Variants in ABCA13 observed in about 807,000 individuals in gnomAD.
ABCA13 encodes the protein ATP binding cassette subfamily A member 13.
ABCA13 carries 476 observed loss-of-function variants against 478.7 expected under a neutral mutation model. That is an observed-to-expected ratio of 0.99 (90% CI 0.92 to 1.07). ABCA13 has a LOEUF of 1.07. Among genes scored for constraint, ABCA13 ranks in the 50% least tolerant of loss-of-function variants. ABCA13 has a pLI of 0.00. For missense variants in ABCA13, 6,060 were observed against 5,910.6 expected, an observed-to-expected ratio of 1.03 and a Z score of -0.83; for synonymous variants, 2,252 against 2,158.9, an observed-to-expected ratio of 1.04 and a Z score of -1.20.
Position 48,310,269 on chromosome 7 carries a change from A to C in ABCA13, c.9516+128A>C, listed in dbSNP as rs546295814. On this transcript the variant is annotated intron_variant, in intron 24 of 61. Transcript: ENST00000435803. ...ACCTGGCCACTCTGCAGTGGTCTCC[A>C]CCAGCCTCTGGTGTCACCTGTTTGC... 8.0e-4 allele frequency: 807 copies of C among 1,007,648 alleles called. 8 individuals carry two copies. Among genetic ancestry groups the C allele is most frequent in the Admixed American group, 1.2e-3 (50 of 41,228 alleles). The allele number at this position is 1,007,648 out of a possible 1,614,324, so 62.4% of individuals were successfully genotyped here. A position where few individuals can be genotyped will look rare whatever the true frequency, so the allele number is the denominator to read the frequency against.
At chr7:48,489,118 T>C in intron 47 of ABCA13, 118 bp from the exon 48 acceptor site, 1 of 748,956 alleles carries the variant, frequency 1.3e-6, no homozygotes, top group Non-Finnish European at 2.2e-6. Context: ...CTTTGAATCC[T>C]GCACTCAGGT....
intron 31 of ABCA13, among the ~76,000 whole-genome samples, chr7:48,358,166 A>AAGGACAGGACAGGACAGGACAGGAC (rs377040023): frequency 4.9e-4 from 66 of 135,694 alleles, no homozygotes; most frequent in African/African-American, 1.3e-3. Context: ...AAAAAAAAGA[A>AAGGACAGGACAGGACAGGACAGGAC]AGGACAGGAC....
intron 20 of ABCA13, among the ~76,000 whole-genome samples, chr7:48,293,205 C>CAA (rs1197640060): frequency 7.4e-6 from 1 of 134,782 alleles, no homozygotes; most frequent in Non-Finnish European, 1.7e-5. Context: ...CCCCCCCCGC[C>CAA]ACACACACAC....
intron 60 of ABCA13, among the ~76,000 whole-genome samples, chr7:48,643,806 C>G (rs145051946): frequency 2.0e-5 from 3 of 152,304 alleles, no homozygotes; most frequent in African/African-American, 7.2e-5. Flanking sequence ...TCACAATCCT[C>G]TATAAACTTG....
intron 15 of ABCA13, among the ~76,000 whole-genome samples, chr7:48,255,220 C>T (rs1793197959): frequency 6.6e-6 from 1 of 152,134 alleles, no homozygotes; most frequent in Admixed American, 6.6e-5. Flanking sequence ...GAGAAGCTTT[C>T]TCAGCATGAG....
At chr7:48,282,001 T>C (rs113168979) in intron 19 of ABCA13, among the ~76,000 whole-genome samples, 2,182 of 152,312 alleles carry the variant, frequency 0.014, 20 homozygotes, top group Middle Eastern at 0.054. Flanking sequence ...TTGCTGGTAT[T>C]ATAGTTTTTG....
intron 57 of ABCA13, among the ~76,000 whole-genome samples, chr7:48,587,942 T>C (rs986811497): frequency 1.3e-5 from 2 of 152,226 alleles, no homozygotes; most frequent in Non-Finnish European, 2.9e-5. Context: ...AAATAAAGGC[T>C]ATTGTTACAT....
intron 42 of ABCA13, among the ~76,000 whole-genome samples, chr7:48,430,619 A>C (rs6942708): frequency 0.28 from 41,191 of 148,428 alleles, 5,788 homozygotes; most frequent in East Asian, 0.38. Flanking sequence ...GGTTGCAGTG[A>C]GCTGAGATTG....
chr7:48,435,054 C>T (rs1277057241), intron 42 of ABCA13, among the ~76,000 whole-genome samples: 2 of 151,740 alleles, frequency 1.3e-5, no homozygotes, highest in Non-Finnish European at 3.0e-5. Context: ...TCATTAGAAA[C>T]TTTAGAAGAA....
intron 58 of ABCA13, among the ~76,000 whole-genome samples, chr7:48,597,533 A>G (rs1165858293): frequency 6.6e-6 from 1 of 152,208 alleles, no homozygotes; most frequent in Non-Finnish European, 1.5e-5. Context: ...AAGAAACTGC[A>G]GAGTTATTTC....
At chr7:48,204,948 C>A (rs1185657456) in intron 3 of ABCA13, among the ~76,000 whole-genome samples, 1 of 152,184 alleles carries the variant, frequency 6.6e-6, no homozygotes, top group Non-Finnish European at 1.5e-5. Flanking sequence ...CCTGACCCAG[C>A]CACTTGCCTA....
intron 38 of ABCA13, among the ~76,000 whole-genome samples, chr7:48,399,157 G>A (rs908878065): frequency 2.0e-5 from 3 of 152,124 alleles, no homozygotes; most frequent in East Asian, 1.9e-4. Context: ...TGCAAAAAAA[G>A]CAAAGAAATA....
At chr7:48,640,393 T>C (rs924305374) in intron 59 of ABCA13, among the ~76,000 whole-genome samples, 1 of 152,220 alleles carries the variant, frequency 6.6e-6, no homozygotes, top group East Asian at 1.9e-4. Context: ...GTGTATGTTT[T>C]TTCTTCCTCT....
intron 57 of ABCA13, 85 bp from the exon 58 acceptor site, chr7:48,594,625 C>T: frequency 7.8e-7 from 1 of 1,289,180 alleles, no homozygotes; most frequent in Non-Finnish European, 1.1e-6. Context: ...TTTTCTTTCA[C>T]CTGGGGTCTG....
chr7:48,539,232 T>C (rs908770450), intron 55 of ABCA13, among the ~76,000 whole-genome samples: 2 of 151,644 alleles, frequency 1.3e-5, no homozygotes, highest in Admixed American at 6.6e-5. Context: ...ATACAAAAAT[T>C]AGCCAATCTC....
At chr7:48,564,924 CACTA>C (rs1266786329) in intron 55 of ABCA13, among the ~76,000 whole-genome samples, 1 of 152,070 alleles carries the variant, frequency 6.6e-6, no homozygotes, top group African/African-American at 2.4e-5. Flanking sequence ...TGATCTCTAA[CACTA>C]ACTTTGTGGA....
chr7:48,172,874 T>C (rs1213920130), intron 1 of ABCA13, among the ~76,000 whole-genome samples: 2 of 150,236 alleles, frequency 1.3e-5, no homozygotes, highest in African/African-American at 2.5e-5. Flanking sequence ...ACAGTCTTCA[T>C]TGATTGTTAG....
chr7:48,427,259 C>T (rs988969980), intron 41 of ABCA13, among the ~76,000 whole-genome samples: 1 of 152,192 alleles, frequency 6.6e-6, no homozygotes, highest in Non-Finnish European at 1.5e-5. Context: ...CAAGAAATGA[C>T]TTCAAGCAAG....
intron 35 of ABCA13, among the ~76,000 whole-genome samples, chr7:48,385,650 A>T (rs1013949964): frequency 6.6e-6 from 1 of 152,158 alleles, no homozygotes; most frequent in African/African-American, 2.4e-5. Flanking sequence ...TAATAAGATG[A>T]TATATATTCC....
Sources: gnomAD v4.1 joint callset for allele counts (sites outside exome capture counted in the v4.1 genomes callset) on GRCh38, gnomAD v4.1.1 for gene constraint, MANE v1.5 for transcripts, NCBI Gene and HGNC (gene_info 2026-07-23, HGNC 2026-07-21) for gene names.